The following SPART variants were observed in gnomAD, a reference collection of about 807,000 sequenced individuals.
SPART encodes the protein spartin, also known as spastic paraplegia 20 (Troyer syndrome).
SPART carries 35 observed loss-of-function variants against 58.7 expected under a neutral mutation model. The ratio of observed to expected loss-of-function variants is 0.60; its 90% CI spans 0.46 to 0.79. The LOEUF (loss-of-function observed/expected upper bound fraction) is 0.79. Among genes scored for constraint, SPART ranks in the 30% least tolerant of loss-of-function variants. The pLI is 0.00. For synonymous variants in SPART, 284 were observed against 280.7 expected (o/e 1.01, Z -0.12); for missense variants, 730 against 786.1 (o/e 0.93, Z 0.85).
chr13:36,338,099 G>T (rs1189620115), intron 1 of SPART, among the ~76,000 whole-genome samples: 2 of 152,162 alleles, frequency 1.3e-5, no homozygotes, highest in Non-Finnish European at 2.9e-5. Flanking sequence ...GCAATTGGGT[G>T]CCACACTATC....
At chr13:36,312,504 T>G (rs201341288) in intron 6 of SPART, 27 bp from the exon 7 acceptor site, 12 of 1,609,270 alleles carry the variant, frequency 7.5e-6, no homozygotes, top group Non-Finnish European at 8.5e-6. Context: ...AAAAGAAAAC[T>G]TAGGAAAAAT....
chr13:36,330,831 A>G (rs1457296608), intron 3 of SPART, among the ~76,000 whole-genome samples: 1 of 152,130 alleles, frequency 6.6e-6, no homozygotes, highest in East Asian at 1.9e-4. Flanking sequence ...GCCTTCATTT[A>G]CCACAAGAAC....
intron 2 of SPART, among the ~76,000 whole-genome samples, chr13:36,332,571 T>G (rs1309880325): frequency 6.6e-6 from 1 of 152,204 alleles, no homozygotes; most frequent in South Asian, 2.1e-4. Context: ...TTTTTTGTAC[T>G]AAACCCAAGA....
chr13:36,317,878 AT>A (rs1881906989), intron 5 of SPART, among the ~76,000 whole-genome samples: 1 of 152,162 alleles, frequency 6.6e-6, no homozygotes, highest in South Asian at 2.1e-4. Flanking sequence ...GGCACTTTGA[AT>A]TTTTCCATCC....
rs763725341 is a variant in SPART at position 36,312,180 on chromosome 13, A to G, written c.1698T>C (p.Asn566=). The G allele has an allele frequency of 3.7e-6, 6 of 1,614,056 alleles. No individual in the cohort carries two copies. In the African/African-American group the frequency reaches 5.3e-5, roughly 14 times the overall value. Residue 566 remains asparagine, a synonymous_variant, in exon 8 of 9, where the codon AAT becomes AAC. Coordinates refer to ENST00000438666, the MANE Select transcript of SPART (RefSeq NM_015087.5). The part of the protein sequence containing the change: ...LECAAKCIVN[N]VSAETVQTVR... ...CAGTTTGTACAGTTTCTGCTGAAAC[A>G]TTGTTAACGATGCATTTAGCTGCAC...
intron 8 of SPART, among the ~76,000 whole-genome samples, chr13:36,305,008 G>C (rs1203162425): frequency 1.3e-5 from 2 of 152,116 alleles, no homozygotes; most frequent in East Asian, 3.9e-4. Flanking sequence ...AACTAATCTA[G>C]AGTCACGTAA....
chr13:36,321,797 C>G (rs1347652874), intron 5 of SPART, among the ~76,000 whole-genome samples: 1 of 152,058 alleles, frequency 6.6e-6, no homozygotes, highest in Non-Finnish European at 1.5e-5. Flanking sequence ...TGCACATATA[C>G]GCCCAGATGG....
At chr13:36,324,653 T>G (rs1292604898) in intron 5 of SPART, among the ~76,000 whole-genome samples, 9 of 152,150 alleles carry the variant, frequency 5.9e-5, no homozygotes, top group Non-Finnish European at 2.9e-5. Context: ...ATAGCAGTAG[T>G]AAATGGAACA....
chr13:36,321,335 GTAAA>G (rs1359692239), intron 5 of SPART, among the ~76,000 whole-genome samples: 6 of 152,174 alleles, frequency 3.9e-5, no homozygotes, highest in South Asian at 4.1e-4. Flanking sequence ...AACTCTTGAA[GTAAA>G]TAAATAATCT....
intron 5 of SPART, among the ~76,000 whole-genome samples, chr13:36,323,263 C>T (rs563882085): frequency 8.0e-4 from 122 of 152,270 alleles, no homozygotes; most frequent in African/African-American, 2.8e-3. Context: ...TATCTCACAA[C>T]CACTAAAGTG....
At chr13:36,366,407 C>T (rs1886055156) in intron 1 of SPART, among the ~76,000 whole-genome samples, 1 of 152,198 alleles carries the variant, frequency 6.6e-6, no homozygotes, top group African/African-American at 2.4e-5. Flanking sequence ...GTATCCTCTA[C>T]ACTTCCTCAT....
chr13:36,335,870 C>T (rs987650701), intron 1 of SPART, 38 bp from the exon 2 acceptor site: 2 of 1,492,570 alleles, frequency 1.3e-6, no homozygotes, highest in African/African-American at 2.8e-5. Context: ...TCTTGCTTAG[C>T]TATTGTTTAC....
chr13:36,309,010 C>T (rs887143389), intron 8 of SPART, among the ~76,000 whole-genome samples: 6 of 151,964 alleles, frequency 3.9e-5, no homozygotes, highest in East Asian at 1.9e-4. Context: ...TTTGGGAGGC[C>T]GAGGTGGGCA....
chr13:36,335,494 A>C lies in SPART; in HGVS notation c.337T>G (p.Leu113Val). 1 of 1,614,124 alleles carries C rather than the reference A, an allele frequency of 6.2e-7. No individual in the cohort carries two copies. Among genetic ancestry groups the C allele is most frequent in the Non-Finnish European group, 8.5e-7 (1 of 1,180,008 alleles). ...TCTTTAGGTGGAAATTCTGGATATA[A>C]CTTGGGCACCTCCTGAAGATCATTC... ...LQNDLQEVPKLYPEFPPKDMC... is the reference protein window; with the variant it reads ...LQNDLQEVPKVYPEFPPKDMC... Residue 113 changes from leucine (L) to valine (V), a missense_variant, in exon 2 of 9, where the codon TTA becomes GTA. Transcript: ENST00000438666.
At chr13:36,310,542 A>C (rs142367261) in intron 8 of SPART, among the ~76,000 whole-genome samples, 51 of 152,304 alleles carry the variant, frequency 3.3e-4, no homozygotes, top group African/African-American at 1.2e-3. Flanking sequence ...CTTGAAACCT[A>C]GTTGTATCCC....
chr13:36,365,248 A>G (rs1341485), intron 1 of SPART, among the ~76,000 whole-genome samples: 106,506 of 152,196 alleles, frequency 0.7, 37,450 homozygotes, highest in East Asian at 0.81. Context: ...TAAAGTAAAA[A>G]AAAATTATAC....
In SPART at chr13:36,304,624, T is replaced by C; in HGVS notation, c.1742A>G (p.Tyr581Cys). The C allele has an allele frequency of 6.2e-7, 1 of 1,613,904 alleles. No individual in the cohort carries two copies. ...TVQTVRYKYG[Y>C]NAGEATHHAV... ...ATGGTGGGTAGCTTCTCCTGCATTA[T>C]ATCCGTATCTTTAAAAGAAAGATTA... Residue 581 changes from tyrosine (Y) to cysteine (C), a missense_variant, in exon 9 of 9, where the codon TAT becomes TGT. Coordinates refer to ENST00000438666, the MANE Select transcript of SPART (RefSeq NM_015087.5).
At chr13:36,332,363 T>C (rs1883541903) in intron 2 of SPART, among the ~76,000 whole-genome samples, 1 of 152,106 alleles carries the variant, frequency 6.6e-6, no homozygotes, top group Non-Finnish European at 1.5e-5. Context: ...CTGGGGGTGG[T>C]AGTGCATGCC....
rs757323778 is a variant in SPART at position 36,312,453 on chromosome 13, T to C, written c.1508A>G (p.Asn503Ser). The change falls in exon 7 of 9, where the codon AAT (asparagine) becomes AGT (serine). Residue 503 changes from asparagine (N) to serine (S), a missense_variant. Coordinates refer to ENST00000438666, the MANE Select transcript of SPART (RefSeq NM_015087.5). ...TGGAGCTAGTTCTTTTCCAACGCAA[T>C]TTGCTACAGTGCAAACTCCATCAAC... ...FLVDGVCTVA[N>S]CVGKELAPHV... The C allele has an allele frequency of 1.9e-6, 3 of 1,614,004 alleles. No homozygotes were observed. The highest frequency in any genetic ancestry group is 2.5e-6 in the Non-Finnish European group (3 of 1,180,036).
Sources: gnomAD v4.1 joint callset for allele counts (sites outside exome capture counted in the v4.1 genomes callset) on GRCh38, gnomAD v4.1.1 for gene constraint, MANE v1.5 for transcripts, NCBI Gene and HGNC (gene_info 2026-07-23, HGNC 2026-07-21) for gene names.